The following ZFAND3 variants were observed in gnomAD, a reference collection of about 807,000 sequenced individuals.
ZFAND3 encodes the protein zinc finger AN1-type containing 3, also known as AN1-type zinc finger protein 3.
ZFAND3 carries 10 observed loss-of-function variants against 29.6 expected under a neutral mutation model. The observed-to-expected ratio is 0.34, with a 90% CI of 0.21 to 0.57. The LOEUF (loss-of-function observed/expected upper bound fraction) is 0.57. Among genes scored for constraint, ZFAND3 ranks in the 20% least tolerant of loss-of-function variants. The probability of loss-of-function intolerance (pLI) is 0.86; values close to 1 mark genes in which losing one functional copy is unlikely to be tolerated. For synonymous variants in ZFAND3, 128 were observed against 112.6 expected, an observed-to-expected ratio of 1.14 and a Z score of -0.87; for missense variants, 230 against 304.5, an observed-to-expected ratio of 0.76 and a Z score of 1.82.
intron 2 of ZFAND3, among the ~76,000 whole-genome samples, chr6:37,952,543 C>G (rs1174692382): frequency 4.6e-5 from 7 of 151,898 alleles, no homozygotes; most frequent in Admixed American, 3.3e-4. Flanking sequence ...TCTGTGAGGT[C>G]AGTCGTAATA....
chr6:37,892,106 A>G (rs1422680067), intron 1 of ZFAND3, among the ~76,000 whole-genome samples: 2 of 152,190 alleles, frequency 1.3e-5, no homozygotes, highest in African/African-American at 4.8e-5. Context: ...ATAAACCTCA[A>G]TAAATTTAAA....
intron 2 of ZFAND3, among the ~76,000 whole-genome samples, chr6:38,019,197 A>T (rs1039551023): frequency 3.3e-5 from 5 of 152,138 alleles, no homozygotes; most frequent in Non-Finnish European, 7.3e-5. Flanking sequence ...TGACCTCGTG[A>T]TCCACCCACC....
chr6:38,049,011 A>AT (rs888397978), intron 2 of ZFAND3, among the ~76,000 whole-genome samples: 9 of 151,862 alleles, frequency 5.9e-5, no homozygotes, highest in African/African-American at 1.7e-4. Context: ...GGAGGTTTTT[A>AT]TTTTTTTTAC....
intron 2 of ZFAND3, among the ~76,000 whole-genome samples, chr6:37,961,057 G>A (rs1397622862): frequency 1.3e-5 from 2 of 152,164 alleles, no homozygotes; most frequent in South Asian, 2.1e-4. Flanking sequence ...CTGGGTGATA[G>A]AGCGAGACCC....
intron 4 of ZFAND3, among the ~76,000 whole-genome samples, chr6:38,093,584 AAGG>A (rs1159451102): frequency 6.6e-6 from 1 of 152,194 alleles, no homozygotes; most frequent in Non-Finnish European, 1.5e-5. Context: ...AAGCTAAAGA[AAGG>A]AGAAAGCTTC....
rs534900593 is a variant in ZFAND3 at position 37,820,958 on chromosome 6, G to A, written c.71+942G>A. ...CATACCACATGACTGTAGTTCTGCA[G>A]TAAGAAAGCTGGAGACTTTGAAGGC... On this transcript the variant is annotated intron_variant, in intron 1 of 5. Transcript: ENST00000287218. 5.9e-5 allele frequency among the ~76,000 whole-genome samples: 9 copies of A among 152,354 alleles called. No homozygotes were observed. The East Asian group carries it at 1.7e-3, about 29-fold the overall frequency.
intron 1 of ZFAND3, among the ~76,000 whole-genome samples, chr6:37,870,019 A>C: frequency 6.6e-6 from 1 of 152,038 alleles, no homozygotes; most frequent in Non-Finnish European, 1.5e-5. Context: ...TTAAAGCTAT[A>C]CATTTTTCTC....
At chr6:38,150,911 T>C (rs1766207962) in intron 5 of ZFAND3, among the ~76,000 whole-genome samples, 2 of 152,310 alleles carry the variant, frequency 1.3e-5, no homozygotes, top group South Asian at 4.1e-4. Flanking sequence ...AGCTTGCTCC[T>C]GTGGACCTGA....
chr6:37,977,936 T>C (rs1762518007), intron 2 of ZFAND3, among the ~76,000 whole-genome samples: 2 of 148,454 alleles, frequency 1.3e-5, no homozygotes, highest in Non-Finnish European at 3.0e-5. Context: ...GTTCTTCCTT[T>C]CTTCCTTTCT....
At chr6:38,108,892 G>A (rs575292536) in intron 4 of ZFAND3, among the ~76,000 whole-genome samples, 1 of 152,294 alleles carries the variant, frequency 6.6e-6, no homozygotes, top group Admixed American at 6.5e-5. Context: ...GAATCTGAAT[G>A]GAGTGTACAC....
intron 4 of ZFAND3, among the ~76,000 whole-genome samples, chr6:38,088,978 TCTCC>T (rs59135749): frequency 6.6e-6 from 1 of 151,680 alleles, no homozygotes; most frequent in African/African-American, 2.4e-5. Flanking sequence ...TATATCCCTC[TCTCC>T]CTCCCTCCCT....
chr6:37,843,833 A>T (rs1764124920), intron 1 of ZFAND3, among the ~76,000 whole-genome samples: 1 of 140,156 alleles, frequency 7.1e-6, no homozygotes, highest in Non-Finnish European at 1.6e-5. Flanking sequence ...GTAGTTTCTA[A>T]AAAAAAAAAA....
At chr6:37,826,327 G>A (rs1230542529) in intron 1 of ZFAND3, among the ~76,000 whole-genome samples, 1 of 152,134 alleles carries the variant, frequency 6.6e-6, no homozygotes, top group African/African-American at 2.4e-5. Context: ...ATTTTTCTAG[G>A]GTTTCTGAGG....
At chr6:38,117,560 T>C (rs1765446018) in intron 5 of ZFAND3, among the ~76,000 whole-genome samples, 1 of 152,242 alleles carries the variant, frequency 6.6e-6, no homozygotes, top group Non-Finnish European at 1.5e-5. Flanking sequence ...TACTTGTTTT[T>C]ATTTCCTGGT....
chr6:38,085,423 G>T (rs1179935824), intron 4 of ZFAND3, among the ~76,000 whole-genome samples: 1 of 152,104 alleles, frequency 6.6e-6, no homozygotes, highest in African/African-American at 2.4e-5. Flanking sequence ...TTAGAACAAG[G>T]ATACTGAGAT....
intron 1 of ZFAND3, among the ~76,000 whole-genome samples, chr6:37,824,251 ACTTT>A (rs2127364321): frequency 6.6e-6 from 1 of 152,368 alleles, no homozygotes; most frequent in African/African-American, 2.4e-5. Context: ...CAATTAGTAC[ACTTT>A]CTTTAGATGA....
chr6:38,045,233 G>A (rs201414147), intron 2 of ZFAND3, among the ~76,000 whole-genome samples: 1 of 150,882 alleles, frequency 6.6e-6, no homozygotes, highest in African/African-American at 2.4e-5. Flanking sequence ...GATTACAGGT[G>A]CATGCCACTA....
chr6:38,033,681 G>C (rs1581856275), intron 2 of ZFAND3, among the ~76,000 whole-genome samples: 1 of 152,064 alleles, frequency 6.6e-6, no homozygotes, highest in Non-Finnish European at 1.5e-5. Flanking sequence ...ATAATTGACT[G>C]TACTTGTTAC....
intron 5 of ZFAND3, among the ~76,000 whole-genome samples, chr6:38,129,983 C>T (rs1765712120): frequency 6.6e-6 from 1 of 152,054 alleles, no homozygotes; most frequent in Admixed American, 6.6e-5. Context: ...TTTATGTTGT[C>T]TATGATTTCT....
Sources: gnomAD v4.1 joint callset for allele counts (sites outside exome capture counted in the v4.1 genomes callset) on GRCh38, gnomAD v4.1.1 for gene constraint, MANE v1.5 for transcripts, NCBI Gene and HGNC (gene_info 2026-07-23, HGNC 2026-07-21) for gene names.